SFMBT2: variants seen among roughly 807,000 people sequenced by gnomAD.
SFMBT2 encodes the protein scm-like with four MBT domains protein 2.
Under a neutral mutation model 110.1 loss-of-function variants are expected in SFMBT2, and 38 were observed. That is an observed-to-expected ratio of 0.35 (90% CI 0.27 to 0.45). SFMBT2 has a LOEUF of 0.45. Among genes scored for constraint, SFMBT2 ranks in the 20% least tolerant of loss-of-function variants. The pLI is 1.00. For missense variants in SFMBT2, 1,011 were observed against 1,094.9 expected, an observed-to-expected ratio of 0.92 and a Z score of 1.08; for synonymous variants, 425 against 425.4, an observed-to-expected ratio of 1.00 and a Z score of 0.01.
intron 5 of SFMBT2, 173 bp from the exon 6 acceptor site, chr10:7,284,323 C>G: frequency 8.7e-7 from 1 of 1,153,998 alleles, no homozygotes; most frequent in Non-Finnish European, 1.2e-6. Context: ...CCTTCCCTTT[C>G]CTCCCTCCCA....
chr10:7,397,147 A>G (rs1233446986), intron 1 of SFMBT2, among the ~76,000 whole-genome samples: 2 of 152,248 alleles, frequency 1.3e-5, no homozygotes, highest in Non-Finnish European at 2.9e-5. Context: ...TAACAAAGCT[A>G]CATAAGCATT....
Position 7,293,893 on chromosome 10 carries a change from C to T in SFMBT2, c.437-7939G>A, listed in dbSNP as rs577771214. Among the ~76,000 whole-genome samples the T allele has an allele frequency of 4.9e-4, 75 of 152,312 alleles. No homozygotes were observed. Among genetic ancestry groups the T allele is most frequent in the African/African-American group, 2.4e-5 (1 of 41,570 alleles). ...CCAGCCCATGGAAAGAGGGAAAGAA[C>T]GTAAGCAAAGATGAACAATTTCCAT... On this transcript the variant is annotated intron_variant, in intron 4 of 20. Coordinates refer to ENST00000397167, the MANE Select transcript of SFMBT2 (RefSeq NM_001387889.1). The surrounding 1 kb of genome is among the most constrained non-coding windows in gnomAD (Gnocchi z 4.6).
chr10:7,252,435 T>A (rs1370082205), intron 7 of SFMBT2, among the ~76,000 whole-genome samples: 1 of 152,186 alleles, frequency 6.6e-6, no homozygotes, highest in African/African-American at 2.4e-5. Context: ...ATTACATCTC[T>A]AGGTTAAGAG....
chr10:7,227,954 A>G lies in SFMBT2; in HGVS notation c.1121-17T>C. The G allele has an allele frequency of 6.4e-7, 1 of 1,557,660 alleles. No homozygotes were observed. The highest frequency in any genetic ancestry group is 1.4e-5 in the African/African-American group (1 of 71,428). On this transcript the variant is annotated splice_polypyrimidine_tract_variant and intron_variant, in intron 9 of 20. Coordinates refer to ENST00000397167, the MANE Select transcript of SFMBT2 (RefSeq NM_001387889.1). ...CAGAGTAACCTGGGAATGACAAAAC[A>G]CAGATAAAACAGCGCACATTAAGCA...
Position 7,367,547 on chromosome 10 carries a change from C to T in SFMBT2, c.436+102G>A. 1 of 1,508,530 alleles carries T rather than the reference C, an allele frequency of 6.6e-7. No individual in the cohort carries two copies. Among genetic ancestry groups the T allele is most frequent in the Non-Finnish European group, 8.8e-7 (1 of 1,132,456 alleles). The allele number at this position is 1,508,530 out of a possible 1,614,324, so 93.4% of individuals were successfully genotyped here. On this transcript the variant is annotated intron_variant, in intron 4 of 20. Coordinates refer to ENST00000397167, the MANE Select transcript of SFMBT2 (RefSeq NM_001387889.1). This position sits in a 1 kb window ranked among gnomAD's most constrained non-coding sequence, Gnocchi z 6.2. ...GAACTGTGAGACCTTTGCACTAAGA[C>T]CATTAGGGATTCTACGCAAGGTTCT...
At chr10:7,333,836 T>G (rs891772760) in intron 4 of SFMBT2, among the ~76,000 whole-genome samples, 4 of 151,918 alleles carry the variant, frequency 2.6e-5, no homozygotes, top group African/African-American at 9.7e-5. Context: ...CCCTTCTTCT[T>G]TTGTTAAATA....
At chr10:7,251,282 TG>T (rs1210184093) in intron 7 of SFMBT2, among the ~76,000 whole-genome samples, 26 of 151,996 alleles carry the variant, frequency 1.7e-4, no homozygotes, top group African/African-American at 5.3e-4. Flanking sequence ...GAGACCAGCC[TG>T]GCCAATAAGG....
At chr10:7,247,891 G>C (rs1840667627) in intron 8 of SFMBT2, among the ~76,000 whole-genome samples, 1 of 151,946 alleles carries the variant, frequency 6.6e-6, no homozygotes, top group Non-Finnish European at 1.5e-5. Flanking sequence ...TTTTTTTATT[G>C]TTTGTAGAGA....
intron 7 of SFMBT2, among the ~76,000 whole-genome samples, chr10:7,272,761 C>T (rs1375150551): frequency 6.6e-6 from 1 of 152,182 alleles, no homozygotes; most frequent in Non-Finnish European, 1.5e-5. Flanking sequence ...AGCCACACTC[C>T]AGGGGCTGAC....
chr10:7,227,821 T>C (rs1402450320), intron 10 of SFMBT2, 34 bp downstream of exon 10: 5 of 1,581,172 alleles, frequency 3.2e-6, no homozygotes, highest in Non-Finnish European at 4.3e-6. Context: ...AAATCTATGA[T>C]TTTTAAAAAT....
At chr10:7,215,468 A>T in intron 11 of SFMBT2, 1 of 770,882 alleles carries the variant, frequency 1.3e-6, no homozygotes. Context: ...GTTTTAGGGG[A>T]TCTCCATAGA....
At chr10:7,347,740 C>T (rs1445904632) in intron 4 of SFMBT2, among the ~76,000 whole-genome samples, 2 of 152,118 alleles carry the variant, frequency 1.3e-5, no homozygotes, top group Non-Finnish European at 2.9e-5. Flanking sequence ...TAAATTTGAT[C>T]TAAACATACT....
intron 9 of SFMBT2, among the ~76,000 whole-genome samples, chr10:7,237,422 C>T (rs1054157686): frequency 7.2e-5 from 11 of 152,126 alleles, no homozygotes; most frequent in Non-Finnish European, 1.6e-4. Context: ...ATGCATAGCG[C>T]ATTATATATG....
chr10:7,226,001 G>A (rs544308156), intron 10 of SFMBT2, among the ~76,000 whole-genome samples: 4 of 152,160 alleles, frequency 2.6e-5, no homozygotes, highest in Non-Finnish European at 5.9e-5. Context: ...AGTCCTCATG[G>A]GGGCATGGCT....
chr10:7,298,742 TATATGTGTGTGTGC>T (rs1266147230), intron 4 of SFMBT2, among the ~76,000 whole-genome samples: 3 of 152,154 alleles, frequency 2.0e-5, no homozygotes, highest in East Asian at 1.9e-4. Flanking sequence ...TATGTATGTG[TATATGTGTGTGTGC>T]ATATGTGTGT....
rs941777557 is a variant in SFMBT2, at chr10:7,375,284, G to A, written c.101-4909C>T. On this transcript the variant is annotated intron_variant, in intron 2 of 20. Coordinates refer to ENST00000397167, the MANE Select transcript of SFMBT2 (RefSeq NM_001387889.1). ...AGAGTGAAAAATGGAATAAACAAAC[G>A]GCCCATACATCTTTGTTTAAGGAAT... is the stretch of plus-strand genomic sequence containing the variant. Among the ~76,000 whole-genome samples the A allele has an allele frequency of 5.3e-5, 8 of 152,094 alleles. 1 individual carries two copies. The highest frequency in any genetic ancestry group is 3.3e-4 in the Admixed American group (5 of 15,286).
At position 7,391,904 on chromosome 10, in the gene SFMBT2, TG is replaced by T. The variant is rs992305805; in HGVS notation, c.-51-9956del. ...CTCTGAAAACATGACTTGAAATGGTTGGATAATTTTTATTATAAAATGAATA... is the reference window on the plus strand; with the variant it reads ...CTCTGAAAACATGACTTGAAATGGTTGATAATTTTTATTATAAAATGAATA... On this transcript the variant is annotated intron_variant, in intron 1 of 20. Transcript: ENST00000397167. Among the ~76,000 whole-genome samples the T allele has an allele frequency of 2.4e-4, 36 of 152,334 alleles. 1 individual carries two copies. Among genetic ancestry groups the T allele is most frequent in the Admixed American group, 2.4e-3 (36 of 15,292 alleles).
intron 4 of SFMBT2, among the ~76,000 whole-genome samples, chr10:7,291,480 C>A (rs1842259799): frequency 6.6e-6 from 1 of 152,158 alleles, no homozygotes; most frequent in Non-Finnish European, 1.5e-5. Flanking sequence ...CTTTTCAAAA[C>A]CTCTCATTAC....
chr10:7,328,128 C>T (rs955900588), intron 4 of SFMBT2, among the ~76,000 whole-genome samples: 11 of 152,152 alleles, frequency 7.2e-5, no homozygotes, highest in Admixed American at 2.6e-4. Context: ...CATCCTTTGT[C>T]GACACTTGAT....
Sources: allele counts gnomAD v4.1 joint callset (sites outside exome capture counted in the v4.1 genomes callset), GRCh38; gene constraint gnomAD v4.1.1; non-coding constraint Gnocchi (gnomAD v3.1); transcripts MANE v1.5; gene names NCBI Gene and HGNC (gene_info 2026-07-23, HGNC 2026-07-21).